Variants in PRKCE observed in about 807,000 individuals in gnomAD.
The protein encoded by PRKCE is protein kinase C epsilon.
A neutral mutation model predicts 85.4 loss-of-function variants in PRKCE; 16 were observed. The ratio of observed to expected loss-of-function variants is 0.19; its 90% CI spans 0.13 to 0.28. The LOEUF (loss-of-function observed/expected upper bound fraction) is 0.28. PRKCE is among the 10% of genes least tolerant of loss of function. PRKCE has a pLI of 1.00. For synonymous variants in PRKCE, 388 were observed against 371.5 expected, an observed-to-expected ratio of 1.04 and a Z score of -0.51; for missense variants, 573 against 975.2, an observed-to-expected ratio of 0.59 and a Z score of 5.49.
intron 1 of PRKCE, among the ~76,000 whole-genome samples, chr2:45,789,049 A>G (rs376550372): frequency 5.0e-4 from 76 of 152,242 alleles, no homozygotes; most frequent in African/African-American, 1.8e-3. Flanking sequence ...GTGGAGAACC[A>G]CCCACTTAGA....
chr2:45,797,681 A>G (rs1441161977), intron 1 of PRKCE, among the ~76,000 whole-genome samples: 2 of 152,228 alleles, frequency 1.3e-5, no homozygotes, highest in African/African-American at 4.8e-5. Context: ...AGCACTACGC[A>G]GAGGATGGCT....
intron 11 of PRKCE, among the ~76,000 whole-genome samples, chr2:46,132,221 C>T (rs996020344): frequency 2.6e-5 from 4 of 152,104 alleles, no homozygotes; most frequent in Admixed American, 6.6e-5. Context: ...AACCATCAAG[C>T]GTTGTGCTTG....
At chr2:45,880,821 C>T (rs368357778) in intron 2 of PRKCE, among the ~76,000 whole-genome samples, 13 of 152,228 alleles carry the variant, frequency 8.5e-5, no homozygotes, top group African/African-American at 2.6e-4. Flanking sequence ...TCAGTAAGTA[C>T]GAACTAGATA....
At chr2:46,180,472 G>A (rs185848054) in intron 14 of PRKCE, among the ~76,000 whole-genome samples, 2,585 of 152,274 alleles carry the variant, frequency 0.017, 24 homozygotes, top group Non-Finnish European at 0.025. Context: ...GCTGGAGGAA[G>A]CACTAGGATG....
intron 2 of PRKCE, among the ~76,000 whole-genome samples, chr2:45,934,067 C>G (rs936066201): frequency 6.6e-6 from 1 of 152,096 alleles, no homozygotes; most frequent in Non-Finnish European, 1.5e-5. Context: ...CCTAACTGAC[C>G]TCTGCTGTCA....
At chr2:45,987,452 C>G (rs1244740890) in intron 6 of PRKCE, among the ~76,000 whole-genome samples, 1 of 152,184 alleles carries the variant, frequency 6.6e-6, no homozygotes, top group African/African-American at 2.4e-5. Flanking sequence ...GTGACCCTCT[C>G]CTTCTCCCTC....
At chr2:45,960,251 G>A (rs1701284661) in intron 2 of PRKCE, among the ~76,000 whole-genome samples, 3 of 152,322 alleles carry the variant, frequency 2.0e-5, no homozygotes, top group South Asian at 4.1e-4. Flanking sequence ...TAATAACTAT[G>A]TACACCTAGA....
chr2:45,811,860 A>C (rs952900346), intron 1 of PRKCE, among the ~76,000 whole-genome samples: 3 of 152,212 alleles, frequency 2.0e-5, no homozygotes, highest in African/African-American at 4.8e-5. Flanking sequence ...TATTAAATAA[A>C]AATTGTAAAA....
At chr2:46,019,633 T>G (rs1159119604) in intron 10 of PRKCE, among the ~76,000 whole-genome samples, 1 of 152,228 alleles carries the variant, frequency 6.6e-6, no homozygotes, top group African/African-American at 2.4e-5. Flanking sequence ...ACTTAGGAAC[T>G]TAACTCTTCT....
chr2:45,667,642 C>A (rs1445947458), intron 1 of PRKCE, among the ~76,000 whole-genome samples: 3 of 152,008 alleles, frequency 2.0e-5, no homozygotes, highest in Non-Finnish European at 2.9e-5. Context: ...GGATTTTTAT[C>A]TTTTACTTCA....
At chr2:46,092,926 C>T (rs545648514) in intron 11 of PRKCE, among the ~76,000 whole-genome samples, 3 of 152,002 alleles carry the variant, frequency 2.0e-5, no homozygotes, top group Non-Finnish European at 4.4e-5. Flanking sequence ...AACGTGTAGT[C>T]TCATCCTCTT....
chr2:45,856,890 G>A (rs569377612), intron 2 of PRKCE, among the ~76,000 whole-genome samples: 1 of 152,278 alleles, frequency 6.6e-6, no homozygotes, highest in African/African-American at 2.4e-5. Flanking sequence ...ATTTCATTAT[G>A]TTTTATGGCT....
At chr2:45,799,210 T>C (rs12386215) in intron 1 of PRKCE, among the ~76,000 whole-genome samples, 4,971 of 151,864 alleles carry the variant, frequency 0.033, 269 homozygotes, top group African/African-American at 0.11. Context: ...TCATTATTGA[T>C]GTTCTATTAT....
chr2:46,008,007 C>T (rs1026498493), intron 9 of PRKCE, among the ~76,000 whole-genome samples: 1 of 152,150 alleles, frequency 6.6e-6, no homozygotes, highest in East Asian at 1.9e-4. Context: ...ACATGTCTTC[C>T]CTCCTTCAGA....
chr2:45,791,157 G>A (rs1687003179), intron 1 of PRKCE, among the ~76,000 whole-genome samples: 1 of 152,214 alleles, frequency 6.6e-6, no homozygotes, highest in Non-Finnish European at 1.5e-5. Flanking sequence ...GGGGCTTGGG[G>A]ACTAGGGATA....
chr2:45,996,844 A>G (rs1342986301), intron 6 of PRKCE, among the ~76,000 whole-genome samples: 1 of 152,160 alleles, frequency 6.6e-6, no homozygotes, highest in Non-Finnish European at 1.5e-5. Flanking sequence ...GCCTCCTAAA[A>G]TGAGTTAGGA....
At chr2:45,832,550 A>T (rs1690518924) in intron 1 of PRKCE, among the ~76,000 whole-genome samples, 1 of 151,956 alleles carries the variant, frequency 6.6e-6, no homozygotes, top group Non-Finnish European at 1.5e-5. Context: ...TGACCTCGTG[A>T]TCCGCCCACC....
chr2:46,114,350 T>C (rs900947203), intron 11 of PRKCE, among the ~76,000 whole-genome samples: 5 of 151,288 alleles, frequency 3.3e-5, no homozygotes, highest in African/African-American at 9.7e-5. Flanking sequence ...TTCCCAGAGA[T>C]TGGGCATTGC....
At chr2:45,875,466 C>T (rs1388560093) in intron 2 of PRKCE, among the ~76,000 whole-genome samples, 2 of 152,182 alleles carry the variant, frequency 1.3e-5, no homozygotes, top group African/African-American at 2.4e-5. Flanking sequence ...TCTGGAGGGA[C>T]CAGGAACAGG....
Sources: allele counts gnomAD v4.1 joint callset (sites outside exome capture counted in the v4.1 genomes callset), GRCh38; gene constraint gnomAD v4.1.1; transcripts MANE v1.5; gene names NCBI Gene and HGNC (gene_info 2026-07-23, HGNC 2026-07-21).